The following RARB variants were observed in gnomAD, a reference collection of about 807,000 sequenced individuals.
RARB encodes retinoic acid receptor beta, also known as HBV-activated protein.
In RARB, 17 loss-of-function variants were observed where a neutral mutation model predicts 51.9. That is an observed-to-expected ratio of 0.33 (90% CI 0.22 to 0.49). The LOEUF is 0.49. Ranked by LOEUF, RARB falls within the 20% of genes least tolerant of loss-of-function variation. RARB has a pLI of 0.99. For synonymous variants in RARB, 215 were observed against 195.4 expected (o/e 1.10, Z -0.84); for missense variants, 369 against 550.8 (o/e 0.67, Z 3.30).
chr3:25,059,566 C>T (rs1486823520), intron 2 of RARB, among the ~76,000 whole-genome samples: 1 of 151,656 alleles, frequency 6.6e-6, no homozygotes, highest in Admixed American at 6.6e-5. Flanking sequence ...TTTAATGATG[C>T]TTTAAGATTT....
chr3:25,318,693 G>C (rs1704488620), intron 5 of RARB, among the ~76,000 whole-genome samples: 1 of 152,066 alleles, frequency 6.6e-6, no homozygotes, highest in Admixed American at 6.6e-5. Flanking sequence ...GAATTCTTTG[G>C]TCTTCTTGAA....
intron 2 of RARB, among the ~76,000 whole-genome samples, chr3:24,961,123 G>A (rs1696130883): frequency 6.6e-6 from 1 of 152,160 alleles, no homozygotes; most frequent in African/African-American, 2.4e-5. Context: ...GTCATTATAA[G>A]TTACTTTGCT....
chr3:25,150,997 C>T (rs1372760757), intron 4 of RARB, among the ~76,000 whole-genome samples: 1 of 152,172 alleles, frequency 6.6e-6, no homozygotes, highest in Admixed American at 6.5e-5. Flanking sequence ...AATATTTTCC[C>T]ATTTATAGAA....
chr3:24,933,595 A>G (rs1695487313), intron 2 of RARB, among the ~76,000 whole-genome samples: 1 of 152,134 alleles, frequency 6.6e-6, no homozygotes, highest in Non-Finnish European at 1.5e-5. Flanking sequence ...CTCTACAGCT[A>G]AGACATATAC....
intron 2 of RARB, among the ~76,000 whole-genome samples, chr3:24,957,786 G>A (rs974430537): frequency 2.6e-5 from 4 of 152,138 alleles, no homozygotes; most frequent in African/African-American, 9.7e-5. Flanking sequence ...GATGCAGGCA[G>A]AGTTAGATCC....
At chr3:25,527,964 C>G (rs1384823508) in intron 3 of RARB, among the ~76,000 whole-genome samples, 2 of 152,220 alleles carry the variant, frequency 1.3e-5, no homozygotes, top group Non-Finnish European at 2.9e-5. Context: ...CAACAAGGCC[C>G]TGCACAAAGC....
intron 5 of RARB, among the ~76,000 whole-genome samples, chr3:25,186,613 C>T (rs187072373): frequency 8.6e-5 from 13 of 151,844 alleles, no homozygotes; most frequent in Admixed American, 7.9e-4. Flanking sequence ...AATTTATACA[C>T]CACGAACATG....
intron 2 of RARB, among the ~76,000 whole-genome samples, chr3:25,465,837 AT>A (rs1695404153): frequency 2.0e-5 from 3 of 152,164 alleles, no homozygotes; most frequent in Admixed American, 6.5e-5. Flanking sequence ...TATTAAAAAA[AT>A]AATAGGACAA....
intron 5 of RARB, among the ~76,000 whole-genome samples, chr3:25,414,059 T>C (rs1461267116): frequency 4.9e-5 from 5 of 102,118 alleles, no homozygotes; most frequent in African/African-American, 2.1e-4. Context: ...AATCTTGCCC[T>C]CCTGTCGCTC....
chr3:25,367,042 T>A (rs1706142803), intron 5 of RARB, among the ~76,000 whole-genome samples: 1 of 152,174 alleles, frequency 6.6e-6, no homozygotes, highest in African/African-American at 2.4e-5. Flanking sequence ...ACCCTCCTTA[T>A]TGCCAGCCAA....
intron 4 of RARB, among the ~76,000 whole-genome samples, chr3:25,576,437 T>C (rs1700933596): frequency 6.6e-6 from 1 of 152,048 alleles, no homozygotes; most frequent in Non-Finnish European, 1.5e-5. Context: ...TTGGACATCC[T>C]CTAGGGCCTT....
At chr3:25,410,269 C>G (rs1239952477) in intron 5 of RARB, among the ~76,000 whole-genome samples, 1 of 152,156 alleles carries the variant, frequency 6.6e-6, no homozygotes, top group Non-Finnish European at 1.5e-5. Context: ...ATTTCCAGTG[C>G]CTGGTGAATT....
At chr3:25,101,649 GTT>G (rs373919940) in intron 3 of RARB, among the ~76,000 whole-genome samples, 7 of 138,872 alleles carry the variant, frequency 5.0e-5, no homozygotes, top group East Asian at 4.2e-4. Flanking sequence ...AAATCTTTAT[GTT>G]TTTTTTTTTT....
At chr3:24,947,233 C>T (rs879859775) in intron 2 of RARB, among the ~76,000 whole-genome samples, 6 of 152,160 alleles carry the variant, frequency 3.9e-5, no homozygotes, top group Non-Finnish European at 8.8e-5. Context: ...CTATGTCTTA[C>T]TGAAAAATAT....
At chr3:25,058,323 T>G (rs758995909) in intron 2 of RARB, among the ~76,000 whole-genome samples, 5 of 151,890 alleles carry the variant, frequency 3.3e-5, no homozygotes, top group Non-Finnish European at 5.9e-5. Flanking sequence ...TTGTATAAAC[T>G]CCAAGTGGTG....
chr3:25,349,509 G>A (rs906169560), intron 5 of RARB, among the ~76,000 whole-genome samples: 3 of 152,114 alleles, frequency 2.0e-5, no homozygotes, highest in Non-Finnish European at 4.4e-5. Flanking sequence ...GAATAGGTCA[G>A]CAGAAACATA....
intron 5 of RARB, among the ~76,000 whole-genome samples, chr3:25,396,492 G>T (rs978780796): frequency 1.3e-5 from 2 of 152,184 alleles, no homozygotes; most frequent in Non-Finnish European, 1.5e-5. Flanking sequence ...CCAGTTGGTG[G>T]CACTTTTGAA....
chr3:25,480,680 T>C (rs891162872), intron 2 of RARB, among the ~76,000 whole-genome samples: 1 of 152,228 alleles, frequency 6.6e-6, no homozygotes, highest in African/African-American at 2.4e-5. Flanking sequence ...GAAGTTGTTA[T>C]TTATTTTTTC....
At chr3:25,339,671 A>G in intron 5 of RARB, among the ~76,000 whole-genome samples, 1 of 151,962 alleles carries the variant, frequency 6.6e-6, no homozygotes, top group Middle Eastern at 3.2e-3. Flanking sequence ...TACACCCACA[A>G]AGGCACAGGG....
Sources: gnomAD v4.1 joint callset for allele counts (sites outside exome capture counted in the v4.1 genomes callset) on GRCh38, gnomAD v4.1.1 for gene constraint, MANE v1.5 for transcripts, NCBI Gene and HGNC (gene_info 2026-07-23, HGNC 2026-07-21) for gene names.